The following FGD4 variants were observed in gnomAD, a reference collection of about 807,000 sequenced individuals.
FGD4 encodes the protein FYVE, RhoGEF and PH domain containing 4, also known as FYVE, RhoGEF and PH domain-containing protein 4.
A neutral mutation model predicts 102.0 loss-of-function variants in FGD4; 42 were observed. The observed-to-expected ratio is 0.41, with a 90% CI of 0.32 to 0.53. The LOEUF (loss-of-function observed/expected upper bound fraction) is 0.53, where lower values mean the gene tolerates loss of function less well. Ranked by LOEUF, FGD4 falls within the 20% of genes least tolerant of loss-of-function variation. The pLI, the probability that FGD4 is intolerant of heterozygous loss-of-function variation, is 0.21. For synonymous variants in FGD4, 380 were observed against 375.7 expected, an observed-to-expected ratio of 1.01 and a Z score of -0.13; for missense variants, 902 against 1,078.2, an observed-to-expected ratio of 0.84 and a Z score of 2.29.
rs1465471003 is a variant in FGD4, at chr12:32,576,324, C to A, written c.378C>A (p.Pro126=). The change falls in exon 3 of 17, where the codon CCC becomes CCA. Residue 126 remains proline (P), a synonymous_variant. Transcript: ENST00000534526. ...CTTCGTCCAATATACACCAAACCCC[C>A]AGGCATAAAGCTTTACCTAGTGCAA... is the stretch of plus-strand genomic sequence containing the variant. ...NSPSSNIHQT[P]RHKALPSAKP... is the part of the protein sequence containing the mutation. 7 of 1,613,812 alleles carry A rather than the reference C, an allele frequency of 4.3e-6. No homozygotes were observed. Among genetic ancestry groups the A allele is most frequent in the African/African-American group, 2.7e-5 (2 of 74,902 alleles).
At chr12:32,624,540 C>A in intron 12 of FGD4, 88 bp downstream of exon 12, 1 of 1,093,864 alleles carries the variant, frequency 9.1e-7, no homozygotes, top group Non-Finnish European at 1.4e-6. Context: ...GTGGTGTGAT[C>A]ATGTCTCACT....
chr12:32,437,283 C>G (rs1471067575), intron 1 of FGD4, among the ~76,000 whole-genome samples: 1 of 152,128 alleles, frequency 6.6e-6, no homozygotes, highest in Non-Finnish European at 1.5e-5. Context: ...AAGGTTACAC[C>G]TCAAAACAGA....
intron 5 of FGD4, chr12:32,600,592 CTT>C (rs1181093585): frequency 0.014 from 2,747 of 198,454 alleles, no homozygotes; most frequent in South Asian, 0.029. Flanking sequence ...TTCTTTCTTT[CTT>C]TTTTTTTTTT....
In FGD4 at chr12:32,522,777, G is replaced by A. The variant is rs539598758; in HGVS notation, c.167-41360G>A. 9.2e-5 allele frequency among the ~76,000 whole-genome samples: 14 copies of A among 152,332 alleles called. No homozygotes were observed. In the East Asian group the frequency reaches 2.1e-3, roughly 23 times the overall value. On this transcript the variant is annotated intron_variant, in intron 1 of 16. Transcript: ENST00000534526. ...AAAGCAAAGTGGCAAGAGATGAGGG[G>A]TAGAGCCTTCAGGCCTTCTGTGAAA... is the stretch of plus-strand genomic sequence containing the variant.
At chr12:32,450,532 T>C (rs1177569039) in intron 1 of FGD4, among the ~76,000 whole-genome samples, 1 of 152,188 alleles carries the variant, frequency 6.6e-6, no homozygotes, top group Non-Finnish European at 1.5e-5. Flanking sequence ...ACACAAGATG[T>C]TCTAGGCTCA....
intron 3 of FGD4, 160 bp from the exon 4 acceptor site, chr12:32,581,800 T>C (rs1419180482): frequency 1.4e-6 from 1 of 729,366 alleles, no homozygotes; most frequent in African/African-American, 1.8e-5. Flanking sequence ...CCCAAGAGAC[T>C]TGGGTCTACA....
intron 1 of FGD4, among the ~76,000 whole-genome samples, chr12:32,491,148 A>C (rs1025309919): frequency 1.8e-4 from 27 of 149,690 alleles, no homozygotes; most frequent in East Asian, 1.5e-3. Flanking sequence ...AAAAAAAAAA[A>C]AACAAAAAAC....
intron 1 of FGD4, among the ~76,000 whole-genome samples, chr12:32,550,376 T>G (rs922776212): frequency 3.3e-5 from 5 of 152,122 alleles, no homozygotes; most frequent in African/African-American, 1.2e-4. Flanking sequence ...ACTGAGTTTT[T>G]AAAAAGTAGA....
intron 4 of FGD4, among the ~76,000 whole-genome samples, chr12:32,597,193 T>C (rs956669204): frequency 9.2e-5 from 14 of 152,178 alleles, no homozygotes; most frequent in Non-Finnish European, 1.9e-4. Context: ...AGATCCCTCA[T>C]ACAGCAATAC....
At chr12:32,573,117 C>T (rs1217153841) in intron 2 of FGD4, among the ~76,000 whole-genome samples, 2 of 151,624 alleles carry the variant, frequency 1.3e-5, no homozygotes, top group African/African-American at 2.4e-5. Flanking sequence ...TTTTTTGAGA[C>T]GGGAGTTTCA....
intron 5 of FGD4, 65 bp downstream of exon 5, chr12:32,598,651 T>A: frequency 7.6e-7 from 1 of 1,322,998 alleles, no homozygotes; most frequent in South Asian, 1.2e-5. Flanking sequence ...ACCTAGTAAT[T>A]AGAGTATTTT....
At chr12:32,478,175 A>G (rs1269180834) in intron 1 of FGD4, among the ~76,000 whole-genome samples, 1 of 152,126 alleles carries the variant, frequency 6.6e-6, no homozygotes, top group African/African-American at 2.4e-5. Context: ...CTTTTGATTT[A>G]ATGCTTTTGT....
At chr12:32,592,821 A>C (rs1194327972) in intron 4 of FGD4, among the ~76,000 whole-genome samples, 1 of 152,206 alleles carries the variant, frequency 6.6e-6, no homozygotes, top group African/African-American at 2.4e-5. Flanking sequence ...AATAATTACT[A>C]AAATGCTGAA....
chr12:32,604,387 C>T (rs970852726), intron 7 of FGD4, among the ~76,000 whole-genome samples: 1 of 152,010 alleles, frequency 6.6e-6, no homozygotes, highest in African/African-American at 2.4e-5. Context: ...TGGTGTCTTG[C>T]TGTGTTGCCT....
intron 1 of FGD4, among the ~76,000 whole-genome samples, chr12:32,461,195 T>A (rs1214891300): frequency 1.3e-5 from 2 of 152,208 alleles, no homozygotes; most frequent in South Asian, 4.1e-4. Flanking sequence ...TGGGAAAATA[T>A]CATATTTTAA....
intron 1 of FGD4, among the ~76,000 whole-genome samples, chr12:32,557,426 T>C (rs1321965000): frequency 1.3e-5 from 2 of 152,226 alleles, no homozygotes; most frequent in African/African-American, 4.8e-5. Flanking sequence ...TGAGATATTA[T>C]ACATATTCTA....
chr12:32,414,546 G>A (rs1015944537), intron 1 of FGD4, among the ~76,000 whole-genome samples: 3 of 149,890 alleles, frequency 2.0e-5, no homozygotes, highest in Non-Finnish European at 4.4e-5. Context: ...ATTTTTTTTT[G>A]TACTCATTAA....
chr12:32,432,307 G>C (rs1395839343), intron 1 of FGD4, among the ~76,000 whole-genome samples: 4 of 150,782 alleles, frequency 2.7e-5, no homozygotes, highest in African/African-American at 9.7e-5. Context: ...TGATCCGCCT[G>C]CCTCGGCCTC....
chr12:32,600,890 C>T (rs928950089), intron 5 of FGD4, among the ~76,000 whole-genome samples: 2 of 151,888 alleles, frequency 1.3e-5, no homozygotes, highest in Admixed American at 6.6e-5. Context: ...AGAAGTCTTT[C>T]GAAACATAAA....
Sources: gnomAD v4.1 joint callset for allele counts (sites outside exome capture counted in the v4.1 genomes callset) on GRCh38, gnomAD v4.1.1 for gene constraint, MANE v1.5 for transcripts, NCBI Gene and HGNC (gene_info 2026-07-23, HGNC 2026-07-21) for gene names.